SLCO1A2: variants seen among roughly 807,000 people sequenced by gnomAD.
SLCO1A2 encodes solute carrier organic anion transporter family member 1A2.
SLCO1A2 carries 67 observed loss-of-function variants against 69.0 expected under a neutral mutation model. That is an observed-to-expected ratio of 0.97 (90% CI 0.80 to 1.19). The LOEUF (loss-of-function observed/expected upper bound fraction) is 1.19. Among genes scored for constraint, SLCO1A2 ranks in the 50% most tolerant of loss-of-function variants. The pLI is 0.00. For synonymous variants in SLCO1A2, 260 were observed against 265.9 expected, an observed-to-expected ratio of 0.98 and a Z score of 0.22; for missense variants, 787 against 793.7, an observed-to-expected ratio of 0.99 and a Z score of 0.10.
chr12:21,416,745 C>T (rs1409412295), intron 1 of SLCO1A2, among the ~76,000 whole-genome samples: 1 of 151,964 alleles, frequency 6.6e-6, no homozygotes, highest in African/African-American at 2.4e-5. Flanking sequence ...TTTGGCTGAG[C>T]ATCCTCATCA....
intron 2 of SLCO1A2, among the ~76,000 whole-genome samples, chr12:21,363,099 TCAGCAACA>T (rs1296374817): frequency 6.6e-5 from 10 of 152,240 alleles, no homozygotes; most frequent in South Asian, 2.1e-4. Flanking sequence ...TACATTCTTC[TCAGCAACA>T]CATCACACTT....
At chr12:21,400,162 G>A (rs1231423098), upstream of SLCO1A2, among the ~76,000 whole-genome samples, 62 of 151,966 alleles carry the variant, frequency 4.1e-4, no homozygotes, top group South Asian at 1.3e-3. Flanking sequence ...TCTACAATGG[G>A]CTCAAACAAA....
chr12:21,313,527 C>T (rs536225177), intron 4 of SLCO1A2, among the ~76,000 whole-genome samples: 1 of 152,272 alleles, frequency 6.6e-6, no homozygotes, highest in East Asian at 1.9e-4. Context: ...GCCTGGCCAA[C>T]TTGGGGAAAC....
At chr12:21,411,832 C>A (rs1388282338) in intron 1 of SLCO1A2, among the ~76,000 whole-genome samples, 2 of 151,974 alleles carry the variant, frequency 1.3e-5, no homozygotes, top group Non-Finnish European at 2.9e-5. Context: ...TACAGGCACA[C>A]TCCACCACGC....
intron 2 of SLCO1A2, among the ~76,000 whole-genome samples, chr12:21,372,575 A>G (rs1939877939): frequency 6.6e-6 from 1 of 152,148 alleles, no homozygotes; most frequent in Admixed American, 6.6e-5. Context: ...ATATATGCAC[A>G]TTTGTTGTTA....
chr12:21,282,959 A>C (rs1013687289), intron 12 of SLCO1A2, among the ~76,000 whole-genome samples: 13 of 152,168 alleles, frequency 8.5e-5, no homozygotes, highest in Non-Finnish European at 1.6e-4. Flanking sequence ...TTATATGCTC[A>C]TAAATTGAAA....
intron 2 of SLCO1A2, among the ~76,000 whole-genome samples, chr12:21,343,488 C>G (rs1212237082): frequency 6.6e-6 from 1 of 152,070 alleles, no homozygotes. Context: ...TAACTTCTTA[C>G]AGCTTTCTAA....
chr12:21,274,020 GT>G (rs1943354440), intron 14 of SLCO1A2: 1 of 152,432 alleles, frequency 6.6e-6, no homozygotes, highest in Non-Finnish European at 1.5e-5. Flanking sequence ...GAAGAAGATT[GT>G]TTCAGCAAAA....
In SLCO1A2 at chr12:21,273,627, A is replaced by G. The variant is rs552230949; in HGVS notation, c.1793+842T>C. ...AGTAGCAGGATGAGGCCAACCCTCA[A>G]TAGTGACCCTTGGGGTTCCTCAACT... On this transcript the variant is annotated intron_variant, in intron 14 of 14. Transcript: ENST00000683939. Among the ~76,000 whole-genome samples the G allele has an allele frequency of 2.6e-5, 4 of 152,266 alleles. No homozygotes were observed. The South Asian group carries it at 6.2e-4, about 24-fold the overall frequency.
intron 9 of SLCO1A2, 40 bp from the exon 10 acceptor site, chr12:21,295,832 C>A: frequency 8.8e-7 from 1 of 1,138,966 alleles, no homozygotes. Flanking sequence ...AAATGACTTA[C>A]CAAAGGAACA....
At chr12:21,322,413 T>A (rs1951746192) in intron 2 of SLCO1A2, among the ~76,000 whole-genome samples, 1 of 152,188 alleles carries the variant, frequency 6.6e-6, no homozygotes, top group Non-Finnish European at 1.5e-5. Flanking sequence ...AGAGACATAA[T>A]ACGTCAGTCA....
intron 1 of SLCO1A2, among the ~76,000 whole-genome samples, chr12:21,385,093 T>G (rs1398919758): frequency 6.6e-6 from 1 of 152,182 alleles, no homozygotes; most frequent in South Asian, 2.1e-4. Context: ...CTTTTTTACC[T>G]TCATGGACAT....
At position 21,289,184 on chromosome 12, in the gene SLCO1A2, CTGTGTGTGTGTG is replaced by C. The variant is rs10636619; in HGVS notation, c.1610+2968_1610+2979del. Among the ~76,000 whole-genome samples, 885 of 136,986 alleles carry C rather than the reference CTGTGTGTGTGTG, an allele frequency of 6.5e-3. 5 individuals carry two copies. The highest frequency in any genetic ancestry group is 0.021 in the African/African-American group (773 of 36,974). 89.9% of individuals were successfully genotyped at this position (136,986 alleles called of 152,430 possible). ...CATTTGTGATGGTAATGGTACCATT[CTGTGTGTGTGTG>C]TGTGTGTGTGTGTGTGTGTGTGTGT... On this transcript the variant is annotated intron_variant, in intron 12 of 14. Transcript: ENST00000683939.
chr12:21,347,537 T>C (rs1484380871), intron 2 of SLCO1A2, among the ~76,000 whole-genome samples: 1 of 151,992 alleles, frequency 6.6e-6, no homozygotes, highest in Admixed American at 6.6e-5. Flanking sequence ...TCCCAGCTAC[T>C]CAGAGGCTGA....
chr12:21,353,472 GAA>G (rs535163407), intron 2 of SLCO1A2, among the ~76,000 whole-genome samples: 1 of 133,000 alleles, frequency 7.5e-6, no homozygotes. Context: ...ATGGTGCTCA[GAA>G]AAAAAAAAAA....
chr12:21,276,421 C>G (rs11045928), intron 12 of SLCO1A2, among the ~76,000 whole-genome samples: 13,728 of 145,256 alleles, frequency 0.095, 867 homozygotes, highest in Non-Finnish European at 0.13. Flanking sequence ...CACACACACA[C>G]ACAGACCTAT....
At chr12:21,378,517 T>C in intron 1 of SLCO1A2, 2 of 1,060,422 alleles carry the variant, frequency 1.9e-6, no homozygotes, top group Non-Finnish European at 1.5e-6. Context: ...TGTGAATATA[T>C]GGTCTGTGTG....
At chr12:21,306,775 T>C (rs1460826631) in intron 5 of SLCO1A2, 107 bp downstream of exon 5, 2 of 658,436 alleles carry the variant, frequency 3.0e-6, no homozygotes, top group Non-Finnish European at 5.3e-6. Context: ...AGAGAACATA[T>C]CTTTGTTTAT....
upstream of SLCO1A2, among the ~76,000 whole-genome samples, chr12:21,336,196 A>G (rs952728104): frequency 6.6e-6 from 1 of 152,024 alleles, no homozygotes; most frequent in African/African-American, 2.4e-5. Flanking sequence ...TCACCGTATC[A>G]AACACTAAGG....
Sources: allele counts gnomAD v4.1 joint callset (sites outside exome capture counted in the v4.1 genomes callset), GRCh38; gene constraint gnomAD v4.1.1; transcripts MANE v1.5; gene names NCBI Gene and HGNC (gene_info 2026-07-23, HGNC 2026-07-21).